The following UNC13C variants were observed in gnomAD, a reference collection of about 807,000 sequenced individuals.
UNC13C encodes the protein unc-13 homolog C.
A neutral mutation model predicts 245.4 loss-of-function variants in UNC13C; 174 were observed. The observed-to-expected ratio is 0.71, with a 90% CI of 0.63 to 0.80. The LOEUF (loss-of-function observed/expected upper bound fraction) is 0.80, where lower values mean the gene tolerates loss of function less well. Among genes scored for constraint, UNC13C ranks in the 30% least tolerant of loss-of-function variants. The probability of loss-of-function intolerance (pLI) is 0.00; values close to 1 mark genes in which losing one functional copy is unlikely to be tolerated. For synonymous variants in UNC13C, 992 were observed against 895.1 expected (o/e 1.11, Z -1.93); for missense variants, 2,829 against 2,602.9 (o/e 1.09, Z -1.89).
chr15:54,227,340 G>A (rs1809729074), intron 4 of UNC13C, among the ~76,000 whole-genome samples: 1 of 152,106 alleles, frequency 6.6e-6, no homozygotes. Context: ...CAGTCCCCAG[G>A]CTTCAAGCCA....
Position 54,429,021 on chromosome 15 carries a change from T to C in UNC13C, c.4933+13954T>C, listed in dbSNP as rs76703436. ...TAAAGTTTCTTGCATGTGAATGCTA[T>C]TCTTCTCTAGAGTCTAGGCTTTTAA... On this transcript the variant is annotated intron_variant, in intron 19 of 32. Coordinates refer to ENST00000260323, the MANE Select transcript of UNC13C (RefSeq NM_001080534.3). 7.6e-3 allele frequency among the ~76,000 whole-genome samples: 1,162 copies of C among 151,912 alleles called. 17 individuals are homozygous for C. Among genetic ancestry groups the C allele is most frequent in the African/African-American group, 0.027 (1,120 of 41,498 alleles).
chr15:53,903,792 T>C, the UNC13C span, among the ~76,000 whole-genome samples: 2 of 151,794 alleles, frequency 1.3e-5, no homozygotes, highest in Non-Finnish European at 2.9e-5. Flanking sequence ...TAACCTAATT[T>C]GCTGTGAATG....
chr15:54,511,901 G>T, intron 24 of UNC13C, 71 bp downstream of exon 24: 1 of 1,129,442 alleles, frequency 8.9e-7, no homozygotes, highest in Non-Finnish European at 1.3e-6. Context: ...CTCTTGCTAT[G>T]AAAGTGTCTT....
chr15:54,333,821 G>T lies in UNC13C; in HGVS notation c.4549G>T (p.Asp1517Tyr), dbSNP rs2038502943. 1 of 1,606,402 alleles carries T rather than the reference G, an allele frequency of 6.2e-7. No individual in the cohort carries two copies. The highest frequency in any genetic ancestry group is 1.1e-5 in the South Asian group (1 of 89,594). ...ERLQDLKSTVDLLTSITFFRM... is the reference protein window; with the variant it reads ...ERLQDLKSTVYLLTSITFFRM... Reference sequence around the variant, plus strand: ...ACTGCAAGACCTGAAATCAACTGTTGACCTGTTAACAAGTATCACCTTTTT... The same window carrying T: ...ACTGCAAGACCTGAAATCAACTGTTTACCTGTTAACAAGTATCACCTTTTT... The change falls in exon 16 of 33, where the codon GAC (aspartate) becomes TAC (tyrosine). Residue 1517 changes from aspartate to tyrosine, a missense_variant. Coordinates refer to ENST00000260323, the MANE Select transcript of UNC13C (RefSeq NM_001080534.3).
intron 18 of UNC13C, among the ~76,000 whole-genome samples, chr15:54,397,403 C>A (rs4776228): frequency 6.6e-6 from 1 of 151,550 alleles, no homozygotes; most frequent in Non-Finnish European, 1.5e-5. Flanking sequence ...GTAATTACAC[C>A]AGTACTGCAT....
In UNC13C at chr15:54,619,411, C is replaced by A. The variant is rs138064770; in HGVS notation, c.6107-2916C>A. On this transcript the variant is annotated intron_variant, in intron 30 of 32. Coordinates refer to ENST00000260323, the MANE Select transcript of UNC13C (RefSeq NM_001080534.3). ...CTTTCTTTGCTGCACTTTGATCTTT[C>A]CTGGCCAAGTCCATCTTTTGATTAT... Among the ~76,000 whole-genome samples, 497 of 152,276 alleles carry A rather than the reference C, an allele frequency of 3.3e-3. 6 individuals are homozygous for A. Among genetic ancestry groups the A allele is most frequent in the African/African-American group, 0.011 (464 of 41,562 alleles).
chr15:53,925,300 A>G, the UNC13C span, among the ~76,000 whole-genome samples: 1 of 152,208 alleles, frequency 6.6e-6, no homozygotes, highest in Non-Finnish European at 1.5e-5. Flanking sequence ...TTGTTATAAA[A>G]TTTAAATGCT....
chr15:54,621,484 A>AACATGTACTC (rs138708653), intron 30 of UNC13C, among the ~76,000 whole-genome samples: 17 of 151,978 alleles, frequency 1.1e-4, no homozygotes, highest in Non-Finnish European at 2.9e-5. Context: ...GTAGTCGTTG[A>AACATGTACTC]TGTAGTGACA....
chr15:54,619,456 A>C (rs1900660157), intron 30 of UNC13C, among the ~76,000 whole-genome samples: 1 of 152,164 alleles, frequency 6.6e-6, no homozygotes, highest in Non-Finnish European at 1.5e-5. Context: ...TAAAATAATC[A>C]CATGGGTTTG....
intron 17 of UNC13C, among the ~76,000 whole-genome samples, chr15:54,340,106 T>G (rs1400906729): frequency 6.6e-6 from 1 of 152,190 alleles, no homozygotes; most frequent in Non-Finnish European, 1.5e-5. Flanking sequence ...AACTGTCTAT[T>G]CATGTCCTTA....
intron 19 of UNC13C, among the ~76,000 whole-genome samples, chr15:54,438,156 C>T (rs1373087260): frequency 6.6e-6 from 1 of 151,908 alleles, no homozygotes; most frequent in East Asian, 1.9e-4. Flanking sequence ...GAACAGCTCA[C>T]ATTAACTTTT....
At chr15:54,288,956 T>A (rs1174285292) in intron 10 of UNC13C, among the ~76,000 whole-genome samples, 2 of 152,116 alleles carry the variant, frequency 1.3e-5, no homozygotes, top group Non-Finnish European at 2.9e-5. Flanking sequence ...ATTTGGTTTT[T>A]GCCACTAAGC....
chr15:54,549,293 G>T (rs1175635330), intron 27 of UNC13C, among the ~76,000 whole-genome samples: 1 of 151,998 alleles, frequency 6.6e-6, no homozygotes, highest in Non-Finnish European at 1.5e-5. Flanking sequence ...ATTTTTGCAG[G>T]GAGTAGAATG....
chr15:54,059,828 C>G (rs539854574), intron 2 of UNC13C, among the ~76,000 whole-genome samples: 2 of 152,286 alleles, frequency 1.3e-5, no homozygotes, highest in South Asian at 2.1e-4. Flanking sequence ...CTACAAGTAT[C>G]TGATCTTTGA....
At chr15:54,220,675 T>C (rs970652894) in intron 4 of UNC13C, among the ~76,000 whole-genome samples, 16 of 152,002 alleles carry the variant, frequency 1.1e-4, no homozygotes, top group African/African-American at 3.4e-4. Flanking sequence ...GCCAAGCAAA[T>C]GTTGTGAGTT....
At chr15:54,385,837 A>T (rs181425259) in intron 17 of UNC13C, among the ~76,000 whole-genome samples, 1 of 152,138 alleles carries the variant, frequency 6.6e-6, no homozygotes, top group Non-Finnish European at 1.5e-5. Flanking sequence ...TTTGTAAATT[A>T]TTATATATCA....
In UNC13C at chr15:54,143,604, T is replaced by C. The variant is rs2032124704; in HGVS notation, c.3007-16T>C. The C allele has an allele frequency of 1.2e-6, 2 of 1,611,492 alleles. No homozygotes were observed. The highest frequency in any genetic ancestry group is 1.7e-5 in the Admixed American group (1 of 59,874). On this transcript the variant is annotated splice_polypyrimidine_tract_variant and intron_variant, in intron 3 of 32. Transcript: ENST00000260323. ...AAAGCCTGTTTGTTTTGTTTTTCTCTTACTCTTCATTTAAGGCTCGAATAG... is the reference window on the plus strand; with the variant it reads ...AAAGCCTGTTTGTTTTGTTTTTCTCCTACTCTTCATTTAAGGCTCGAATAG...
intron 30 of UNC13C, among the ~76,000 whole-genome samples, chr15:54,583,957 A>T (rs2681952): frequency 6.6e-6 from 1 of 151,840 alleles, no homozygotes; most frequent in Non-Finnish European, 1.5e-5. Context: ...TCCAGGCCCT[A>T]ACTGTGCTCT....
chr15:54,548,810 C>A (rs1381731739), intron 27 of UNC13C, among the ~76,000 whole-genome samples: 2 of 152,138 alleles, frequency 1.3e-5, no homozygotes, highest in African/African-American at 4.8e-5. Context: ...GAATACATAT[C>A]ATTTATTCAT....
Sources: gnomAD v4.1 joint callset for allele counts (sites outside exome capture counted in the v4.1 genomes callset) on GRCh38, gnomAD v4.1.1 for gene constraint, MANE v1.5 for transcripts, NCBI Gene and HGNC (gene_info 2026-07-23, HGNC 2026-07-21) for gene names.